Variants in ENPEP observed in about 807,000 individuals in gnomAD.
ENPEP encodes glutamyl aminopeptidase.
In ENPEP, 103 loss-of-function variants were observed where a neutral mutation model predicts 114.5. The observed-to-expected ratio is 0.90, with a 90% CI of 0.77 to 1.06. The LOEUF is 1.06. Among genes scored for constraint, ENPEP ranks in the 50% least tolerant of loss-of-function variants. The pLI, the probability that ENPEP is intolerant of heterozygous loss-of-function variation, is 0.00. For synonymous variants in ENPEP, 420 were observed against 422.0 expected (o/e 1.00, Z 0.06); for missense variants, 1,196 against 1,161.3 (o/e 1.03, Z -0.43).
At chr4:110,484,811 T>C (rs1724444831) in intron 1 of ENPEP, among the ~76,000 whole-genome samples, 1 of 149,308 alleles carries the variant, frequency 6.7e-6, no homozygotes, top group Non-Finnish European at 1.5e-5. Flanking sequence ...CAGCCAAGAG[T>C]AAAATAGAGT....
chr4:110,499,493 A>G (rs916088669), intron 3 of ENPEP, among the ~76,000 whole-genome samples: 15 of 152,218 alleles, frequency 9.9e-5, no homozygotes, highest in African/African-American at 2.9e-4. Flanking sequence ...TTCAAACTCT[A>G]AAATTATAAA....
At chr4:110,526,376 C>T (rs771981715) in intron 10 of ENPEP, among the ~76,000 whole-genome samples, 3 of 152,066 alleles carry the variant, frequency 2.0e-5, no homozygotes, top group Non-Finnish European at 2.9e-5. Flanking sequence ...TGAACATTGA[C>T]CAAGTGGTTG....
intron 17 of ENPEP, among the ~76,000 whole-genome samples, chr4:110,550,393 G>A (rs936636919): frequency 6.6e-6 from 1 of 152,034 alleles, no homozygotes; most frequent in Non-Finnish European, 1.5e-5. Context: ...GCTCACTAGG[G>A]TGAACTTGAA....
At chr4:110,553,938 G>T (rs145462318) in intron 18 of ENPEP, among the ~76,000 whole-genome samples, 1 of 151,920 alleles carries the variant, frequency 6.6e-6, no homozygotes, top group Non-Finnish European at 1.5e-5. Context: ...TCTTAAAAGG[G>T]AATTATATTT....
Position 110,548,139 on chromosome 4 carries a change from G to GTTT in ENPEP, c.2001-14_2001-12dup, listed in dbSNP as rs3042468. The GTTT allele has an allele frequency of 8.9e-3, 6,108 of 689,004 alleles. 5 individuals are homozygous for GTTT. The highest frequency in any genetic ancestry group is 0.01 in the Non-Finnish European group (5,617 of 537,070). 42.7% of individuals were successfully genotyped at this position (689,004 alleles called of 1,614,324 possible). ...GTCTGTGGTTTTTAATTAACTGTGA[G>GTTT]TTTTTTTTTTTTTTTTTTTTTTTTT... On this transcript the variant is annotated intron_variant, in intron 13 of 19. Transcript: ENST00000265162.
chr4:110,536,948 T>C (rs1397049773), intron 11 of ENPEP, among the ~76,000 whole-genome samples: 2 of 152,188 alleles, frequency 1.3e-5, no homozygotes, highest in African/African-American at 4.8e-5. Flanking sequence ...CCAGTGCATA[T>C]ACAAGTGATG....
chr4:110,482,226 G>C (rs1021322817), intron 1 of ENPEP, among the ~76,000 whole-genome samples: 1 of 152,208 alleles, frequency 6.6e-6, no homozygotes, highest in Admixed American at 6.5e-5. Flanking sequence ...TTTCAGGATA[G>C]AGAAGAGAGG....
At chr4:110,555,322 T>G (rs1270768935) in intron 18 of ENPEP, among the ~76,000 whole-genome samples, 1 of 151,966 alleles carries the variant, frequency 6.6e-6, no homozygotes, top group Non-Finnish European at 1.5e-5. Flanking sequence ...ATAATAAAAA[T>G]TAAACAAAAA....
intron 18 of ENPEP, among the ~76,000 whole-genome samples, chr4:110,558,537 T>C (rs1373766028): frequency 6.6e-6 from 1 of 152,128 alleles, no homozygotes; most frequent in Non-Finnish European, 1.5e-5. Context: ...TCAAGCCATC[T>C]GTCCACCTTG....
intron 10 of ENPEP, among the ~76,000 whole-genome samples, chr4:110,526,274 T>A (rs1726194349): frequency 6.6e-6 from 1 of 152,024 alleles, no homozygotes; most frequent in Non-Finnish European, 1.5e-5. Flanking sequence ...AGACTCTGTC[T>A]GAAAAAAACA....
intron 2 of ENPEP, among the ~76,000 whole-genome samples, chr4:110,489,741 T>C (rs1336080510): frequency 6.6e-6 from 1 of 152,190 alleles, no homozygotes; most frequent in Admixed American, 6.5e-5. Flanking sequence ...GAGGTTTACA[T>C]ACTTTACACA....
At chr4:110,542,682 G>A (rs1158186898) in intron 11 of ENPEP, 69 bp from the exon 12 acceptor site, 8 of 1,404,246 alleles carry the variant, frequency 5.7e-6, no homozygotes, top group Non-Finnish European at 7.6e-6. Flanking sequence ...TTTGCCCTCT[G>A]GGTCTAATTT....
chr4:110,549,887 G>T lies in ENPEP; in HGVS notation c.2501+1G>T, dbSNP rs760106456. 5 of 1,604,708 alleles carry T rather than the reference G, an allele frequency of 3.1e-6. No homozygotes were observed. The highest frequency in any genetic ancestry group is 4.2e-6 in the Non-Finnish European group (5 of 1,177,032). ...TGAAGAACGTTACTCTTTTGTCAAGGTAAGTTGGGCTTTTATTTCACATAT... is the reference window on the plus strand; with the variant it reads ...TGAAGAACGTTACTCTTTTGTCAAGTTAAGTTGGGCTTTTATTTCACATAT... On this transcript the variant is annotated splice_donor_variant, in intron 17 of 19. Coordinates refer to ENST00000265162, the MANE Select transcript of ENPEP (RefSeq NM_001977.4). LOFTEE classifies it high-confidence loss of function.
chr4:110,530,233 T>TA (rs1726359707), intron 10 of ENPEP, among the ~76,000 whole-genome samples: 1 of 152,152 alleles, frequency 6.6e-6, no homozygotes, highest in African/African-American at 2.4e-5. Flanking sequence ...GAGCTGATTT[T>TA]AAAAAAACTC....
Position 110,488,553 on chromosome 4 carries a change from C to A in ENPEP, c.657C>A (p.Ala219=), listed in dbSNP as rs759720374. The change falls in exon 2 of 20, where the codon GCC becomes GCA. Residue 219 remains alanine, a synonymous_variant. Coordinates refer to ENST00000265162, the MANE Select transcript of ENPEP (RefSeq NM_001977.4). ...GTTTGTTTCTAAGGAGCATAGTGGCCACCGATCATGAACCAACAGATGCCA... is the reference window on the plus strand; with the variant it reads ...GTTTGTTTCTAAGGAGCATAGTGGCAACCGATCATGAACCAACAGATGCCA... ...TENGQVKSIV[A]TDHEPTDARK... The A allele has an allele frequency of 6.2e-7, 1 of 1,611,768 alleles. No homozygotes were observed. The highest frequency in any genetic ancestry group is 8.5e-7 in the Non-Finnish European group (1 of 1,179,144).
rs1233721248 is a variant in ENPEP at position 110,561,633 on chromosome 4, A to G, written c.*75A>G. 51 of 1,389,152 alleles carry G rather than the reference A, an allele frequency of 3.7e-5. No homozygotes were observed. The highest frequency in any genetic ancestry group is 5.0e-5 in the Non-Finnish European group (50 of 1,008,786). 86.1% of individuals were successfully genotyped at this position (1,389,152 alleles called of 1,614,324 possible). A position where few individuals can be genotyped will look rare whatever the true frequency, so the allele number is the denominator to read the frequency against. On this transcript the variant is annotated 3_prime_UTR_variant, in exon 20 of 20. Transcript: ENST00000265162. Reference sequence around the variant, plus strand: ...GAAGCATTTGGTGGCCTAATTTACAAGCACGATGGAGAGAGCCTTATAAAC... The same window carrying G: ...GAAGCATTTGGTGGCCTAATTTACAGGCACGATGGAGAGAGCCTTATAAAC...
At chr4:110,542,093 G>GT (rs1376272821) in intron 11 of ENPEP, among the ~76,000 whole-genome samples, 1 of 152,098 alleles carries the variant, frequency 6.6e-6, no homozygotes, top group Non-Finnish European at 1.5e-5. Context: ...GAAATAGGAA[G>GT]TAGACGGCTT....
chr4:110,492,587 C>T lies in ENPEP; in HGVS notation c.918+1423C>T, dbSNP rs376508525. ...AAAGGGGCTGCATATCATGAGGACT[C>T]ATCCGTATTCTAACTTTTCCTTGAC... On this transcript the variant is annotated intron_variant, in intron 3 of 19. Transcript: ENST00000265162. Among the ~76,000 whole-genome samples, 5 of 152,294 alleles carry T rather than the reference C, an allele frequency of 3.3e-5. No individual in the cohort carries two copies. The East Asian group carries it at 9.6e-4, about 29-fold the overall frequency.
rs1727701203 is a variant in ENPEP at position 110,562,122 on chromosome 4, G to C, written c.*564G>C. On this transcript the variant is annotated 3_prime_UTR_variant, in exon 20 of 20. Transcript: ENST00000265162. ...TGAGGATCATATGAATTAGCCAAAA[G>C]AATGGCTGACTGTTGCCTTTGCTCT... 6.6e-6 allele frequency: 1 copy of C among 152,154 alleles called. No homozygotes were observed. The highest frequency in any genetic ancestry group is 1.5e-5 in the Non-Finnish European group (1 of 68,032). The allele number at this position is 152,154 out of a possible 1,614,324, so 9.4% of individuals were successfully genotyped here.
Sources: allele counts gnomAD v4.1 joint callset (sites outside exome capture counted in the v4.1 genomes callset), GRCh38; gene constraint gnomAD v4.1.1; transcripts MANE v1.5; gene names NCBI Gene and HGNC (gene_info 2026-07-23, HGNC 2026-07-21).